Variants in CHRNA10 observed in about 807,000 individuals in gnomAD.
The protein encoded by CHRNA10 is cholinergic receptor nicotinic alpha 10 subunit.
CHRNA10 carries 31 observed loss-of-function variants against 36.0 expected under a neutral mutation model. That is an observed-to-expected ratio of 0.86 (90% CI 0.65 to 1.16). The LOEUF (loss-of-function observed/expected upper bound fraction) is 1.16, where lower values mean the gene tolerates loss of function less well. CHRNA10 is among the 50% of genes most tolerant of loss of function. The probability of loss-of-function intolerance (pLI) is 0.00; values close to 1 mark genes in which losing one functional copy is unlikely to be tolerated. For synonymous variants in CHRNA10, 302 were observed against 287.0 expected (o/e 1.05, Z -0.53); for missense variants, 648 against 640.9 (o/e 1.01, Z -0.12).
chr11:3,669,977 CCCTAGTCCCAGGG>C, intron 1 of CHRNA10, 36 bp from the exon 2 acceptor site: 1 of 1,613,444 alleles, frequency 6.2e-7, no homozygotes, highest in Non-Finnish European at 8.5e-7. Flanking sequence ...CCATCCCAGG[CCCTAGTCCCAGGG>C]CCTCTGCTCA....
chr11:3,669,021 TG>T (rs1164598589), intron 3 of CHRNA10, 174 bp downstream of exon 3: 1 of 639,954 alleles, frequency 1.6e-6, no homozygotes, highest in Non-Finnish European at 2.6e-6. Flanking sequence ...TAGCCTAAAG[TG>T]GGGGTGCCAT....
rs761272694 is a variant in CHRNA10 at position 3,667,217 on chromosome 11, G to A, written c.895+15C>T. On this transcript the variant is annotated intron_variant, in intron 4 of 4. Transcript: ENST00000250699. ...CCAGCGCATCGTCAGGTCCCCCCGC[G>A]CCCCCGCTGCTCACCGATGAGCGGC... 7.1e-6 allele frequency: 11 copies of A among 1,550,516 alleles called. No individual in the cohort carries two copies. The South Asian group carries it at 1.0e-4, about 15-fold the overall frequency.
rs929777698 is a variant in CHRNA10, at chr11:3,667,565, C to T, written c.562G>A (p.Gly188Ser). ...GGHQLDVRPRGAAASLADFVE... is the reference protein window; with the variant it reads ...GGHQLDVRPRSAAASLADFVE... Reference sequence around the variant, plus strand: ...AAGTCCGCCAGGCTGGCTGCAGCGCCGCGCGGCCGCACATCCAGTTGGTGC... The same window carrying T: ...AAGTCCGCCAGGCTGGCTGCAGCGCTGCGCGGCCGCACATCCAGTTGGTGC... The change falls in exon 4 of 5, where the codon GGC becomes AGC. Residue 188 changes from glycine (G) to serine (S), a missense_variant. Coordinates refer to ENST00000250699, the MANE Select transcript of CHRNA10 (RefSeq NM_020402.4). 33 of 1,560,264 alleles carry T rather than the reference C, an allele frequency of 2.1e-5. No homozygotes were observed. Among genetic ancestry groups the T allele is most frequent in the African/African-American group, 2.7e-5 (2 of 73,638 alleles).
chr11:3,668,340 C>T (rs1016686041), intron 3 of CHRNA10, among the ~76,000 whole-genome samples: 1 of 152,142 alleles, frequency 6.6e-6, no homozygotes, highest in East Asian at 1.9e-4. Context: ...GGTGAAACCT[C>T]GTCTGTACTA....
chr11:3,670,096 C>T (rs937432711), intron 1 of CHRNA10, among the ~76,000 whole-genome samples, 155 bp from the exon 2 acceptor site: 1 of 152,216 alleles, frequency 6.6e-6, no homozygotes, highest in Admixed American at 6.5e-5. Context: ...TCCTCCCTGG[C>T]CTGCCTGCAG....
At position 3,669,303 on chromosome 11, in the gene CHRNA10, C is replaced by T. The variant is rs1168074736; in HGVS notation, c.255G>A (p.Glu85=). The T allele has an allele frequency of 6.2e-7, 1 of 1,614,104 alleles. No individual in the cohort carries two copies. Among genetic ancestry groups the T allele is most frequent in the South Asian group, 1.1e-5 (1 of 91,086 alleles). ...CCCATCGTAGGTAGGCATCTGTCCA[C>T]TCCTGCCGTATCCACAGATACAGGG... ...VLTLYLWIRQ[E]WTDAYLRWDP... Residue 85 remains glutamate, a synonymous_variant, in exon 3 of 5, where the codon GAG becomes GAA. Coordinates refer to ENST00000250699, the MANE Select transcript of CHRNA10 (RefSeq NM_020402.4).
chr11:3,671,193 G>A (rs1262963886), intron 1 of CHRNA10, 59 bp downstream of exon 1: 5 of 1,532,368 alleles, frequency 3.3e-6, no homozygotes, highest in East Asian at 2.2e-5. Context: ...GGGATTTTGG[G>A]AGAACAGGAA....
intron 3 of CHRNA10, 106 bp from the exon 4 acceptor site, chr11:3,667,870 T>G (rs2133974262): frequency 2.0e-6 from 2 of 988,220 alleles, no homozygotes; most frequent in East Asian, 3.1e-5. Flanking sequence ...AAACCAAAAC[T>G]TCTCCCCAGA....
chr11:3,666,092 A>T lies in CHRNA10; in HGVS notation c.*15T>A, dbSNP rs1407215488. The T allele has an allele frequency of 3.3e-6, 5 of 1,520,748 alleles. No homozygotes were observed. The highest frequency in any genetic ancestry group is 4.4e-6 in the Non-Finnish European group (5 of 1,135,378). 94.2% of individuals were successfully genotyped at this position (1,520,748 alleles called of 1,614,324 possible). On this transcript the variant is annotated 3_prime_UTR_variant, in exon 5 of 5. Coordinates refer to ENST00000250699, the MANE Select transcript of CHRNA10 (RefSeq NM_020402.4). ...GCTGTGGCTGCAGCAGATCCCTGTG[A>T]CTTAGTCCCAGCCCTCACAGGGCCT...
intron 1 of CHRNA10, chr11:3,671,049 G>T (rs914059098): frequency 1.5e-5 from 9 of 598,482 alleles, no homozygotes; most frequent in Non-Finnish European, 2.1e-5. Context: ...GAAGCTCCCC[G>T]CTCACTGTTT....
At chr11:3,669,147 G>A in intron 3 of CHRNA10, 49 bp downstream of exon 3, 3 of 1,573,916 alleles carry the variant, frequency 1.9e-6, no homozygotes, top group Non-Finnish European at 2.6e-6. Context: ...ACAGCTAAGG[G>A]CAAGTCTAGA....
intron 3 of CHRNA10, chr11:3,668,982 G>C (rs950901966): frequency 3.6e-6 from 2 of 548,590 alleles, no homozygotes; most frequent in Admixed American, 6.5e-5. Flanking sequence ...TAGGTTCCGA[G>C]GAGACGTTCA....
intron 4 of CHRNA10, among the ~76,000 whole-genome samples, 182 bp downstream of exon 4, chr11:3,667,050 G>C (rs56101595): frequency 2.7e-4 from 41 of 152,212 alleles, no homozygotes; most frequent in Non-Finnish European, 4.7e-4. Context: ...CAAGTCGTGA[G>C]GGGTGTTCTC....
At chr11:3,670,029 G>A in intron 1 of CHRNA10, 88 bp from the exon 2 acceptor site, 1 of 1,413,978 alleles carries the variant, frequency 7.1e-7, no homozygotes, top group South Asian at 1.2e-5. Flanking sequence ...CTGGGGCCCT[G>A]TCCTTATGAG....
chr11:3,666,331 C>T lies in CHRNA10; in HGVS notation c.1129G>A (p.Gly377Ser), dbSNP rs775726902. The T allele has an allele frequency of 5.0e-6, 8 of 1,613,190 alleles. No homozygotes were observed. In the Admixed American group the frequency reaches 1.0e-4, roughly 20 times the overall value. The change falls in exon 5 of 5, where the codon GGC (glycine) becomes AGC (serine). Residue 377 changes from glycine to serine, a missense_variant. Coordinates refer to ENST00000250699, the MANE Select transcript of CHRNA10 (RefSeq NM_020402.4). Reference sequence around the variant, plus strand: ...TCGTGGCAAGGGCCCGCTGGGGGGCCAGCCCCTCCTTCAGGCGACTGGGGG... The same window carrying T: ...TCGTGGCAAGGGCCCGCTGGGGGGCTAGCCCCTCCTTCAGGCGACTGGGGG... Reference protein sequence around the residue: ...PSPQSPEGGAGPPAGPCHEPR... With the variant: ...PSPQSPEGGASPPAGPCHEPR...
Position 3,666,100 on chromosome 11 carries a change from C to T in CHRNA10, c.*7G>A. On this transcript the variant is annotated 3_prime_UTR_variant, in exon 5 of 5. Coordinates refer to ENST00000250699, the MANE Select transcript of CHRNA10 (RefSeq NM_020402.4). ...TGCAGCAGATCCCTGTGACTTAGTC[C>T]CAGCCCTCACAGGGCCTGCACCAGC... 1 of 1,530,524 alleles carries T rather than the reference C, an allele frequency of 6.5e-7. No homozygotes were observed. Among genetic ancestry groups the T allele is most frequent in the South Asian group, 1.3e-5 (1 of 76,916 alleles). The allele number at this position is 1,530,524 out of a possible 1,614,324, so 94.8% of individuals were successfully genotyped here.
chr11:3,667,401 G>T lies in CHRNA10; in HGVS notation c.726C>A (p.Asn242Lys), dbSNP rs775899850. The T allele has an allele frequency of 2.5e-6, 4 of 1,601,070 alleles. No individual in the cohort carries two copies. The East Asian group carries it at 6.7e-5, about 27-fold the overall frequency. ...AGATGAGCACGCAGGGCAGCAGCAGGTTGCACACGTAGGCGGCGGCGCGGC... is the reference window on the plus strand; with the variant it reads ...AGATGAGCACGCAGGGCAGCAGCAGTTTGCACACGTAGGCGGCGGCGCGGC... ...LRRRAAAYVC[N>K]LLLPCVLISL... The change falls in exon 4 of 5, where the codon AAC becomes AAA. Residue 242 changes from asparagine (N) to lysine (K), a missense_variant. By Grantham distance (94) the Asn-to-Lys change is moderately conservative. Transcript: ENST00000250699.
intron 3 of CHRNA10, among the ~76,000 whole-genome samples, chr11:3,668,262 C>A (rs2077685132): frequency 6.6e-6 from 1 of 152,094 alleles, no homozygotes; most frequent in Admixed American, 6.5e-5. Flanking sequence ...GCCTGTGATC[C>A]CAGCACTTTG....
At chr11:3,668,260 TC>T (rs1313409254) in intron 3 of CHRNA10, among the ~76,000 whole-genome samples, 6 of 152,146 alleles carry the variant, frequency 3.9e-5, no homozygotes, top group Non-Finnish European at 8.8e-5. Context: ...ACGCCTGTGA[TC>T]CCAGCACTTT....
Sources: gnomAD v4.1 joint callset for allele counts (sites outside exome capture counted in the v4.1 genomes callset) on GRCh38, gnomAD v4.1.1 for gene constraint, MANE v1.5 for transcripts, NCBI Gene and HGNC (gene_info 2026-07-23, HGNC 2026-07-21) for gene names.